COX10: variants seen among roughly 807,000 people sequenced by gnomAD.
COX10 encodes the protein protoheme IX farnesyltransferase, mitochondrial.
In COX10, 27 loss-of-function variants were observed where a neutral mutation model predicts 37.3. That is an observed-to-expected ratio of 0.72 (90% CI 0.53 to 1.00). The LOEUF is 1.00. Ranked by LOEUF, COX10 falls within the 50% of genes least tolerant of loss-of-function variation. COX10 has a pLI of 0.00. For missense variants in COX10, 475 were observed against 563.2 expected (o/e 0.84, Z 1.59); for synonymous variants, 222 against 229.1 (o/e 0.97, Z 0.28).
At chr17:14,161,849 C>T (rs771968533) in intron 5 of COX10, among the ~76,000 whole-genome samples, 5 of 152,146 alleles carry the variant, frequency 3.3e-5, no homozygotes, top group Non-Finnish European at 7.4e-5. Flanking sequence ...TGCAGATGGC[C>T]TGTCGTGGGA....
At chr17:14,150,155 C>T (rs756454411) in intron 4 of COX10, among the ~76,000 whole-genome samples, 7 of 151,966 alleles carry the variant, frequency 4.6e-5, no homozygotes, top group Non-Finnish European at 8.8e-5. Context: ...CACCTGTGGT[C>T]CCAGCTACTT....
chr17:14,140,620 T>C (rs530128055), intron 4 of COX10, among the ~76,000 whole-genome samples: 2 of 152,266 alleles, frequency 1.3e-5, no homozygotes, highest in African/African-American at 2.4e-5. Context: ...TAAATGATAT[T>C]GAAACACTAT....
intron 5 of COX10, among the ~76,000 whole-genome samples, chr17:14,170,516 A>T (rs1905429991): frequency 6.6e-6 from 1 of 152,218 alleles, no homozygotes; most frequent in Non-Finnish European, 1.5e-5. Flanking sequence ...GTGAAGAAGA[A>T]TCTTAATTGC....
chr17:14,177,364 T>G, intron 5 of COX10: 2 of 525,458 alleles, frequency 3.8e-6, no homozygotes, highest in Non-Finnish European at 6.7e-6. Context: ...CACTTATAGT[T>G]TAAAAAAAAT....
intron 3 of COX10, among the ~76,000 whole-genome samples, chr17:14,099,228 G>A (rs73979159): frequency 2.0e-5 from 3 of 152,180 alleles, no homozygotes; most frequent in African/African-American, 7.2e-5. Context: ...GAACAACTGA[G>A]TTAAAGGAAG....
intron 1 of COX10, 58 bp downstream of exon 1, chr17:14,069,706 C>T (rs191500620): frequency 6.2e-7 from 1 of 1,607,414 alleles, no homozygotes; most frequent in Non-Finnish European, 8.5e-7. Context: ...TTACCACGTG[C>T]GAGGCCGTGG....
chr17:14,202,456 A>T (rs1363232474), intron 6 of COX10, among the ~76,000 whole-genome samples: 1 of 151,982 alleles, frequency 6.6e-6, no homozygotes, highest in East Asian at 1.9e-4. Context: ...GAAGGTGCTA[A>T]TATCTTGTGC....
intron 5 of COX10, among the ~76,000 whole-genome samples, chr17:14,173,534 G>T (rs1456661383): frequency 6.6e-6 from 1 of 152,236 alleles, no homozygotes; most frequent in Non-Finnish European, 1.5e-5. Context: ...AAATACATGT[G>T]TAAGGATAAA....
intron 4 of COX10, among the ~76,000 whole-genome samples, chr17:14,140,127 A>T (rs908735685): frequency 3.3e-5 from 5 of 152,272 alleles, no homozygotes; most frequent in African/African-American, 9.6e-5. Context: ...GTAACATTCA[A>T]TTTTAAAAAA....
chr17:14,158,587 G>T (rs1287018420), intron 4 of COX10, among the ~76,000 whole-genome samples: 1 of 152,018 alleles, frequency 6.6e-6, no homozygotes, highest in African/African-American at 2.4e-5. Context: ...AATGATCCCT[G>T]CCACTCAAAT....
At chr17:14,091,573 T>C (rs1915527914) in intron 3 of COX10, among the ~76,000 whole-genome samples, 1 of 152,178 alleles carries the variant, frequency 6.6e-6, no homozygotes, top group Non-Finnish European at 1.5e-5. Flanking sequence ...TGTATGCAGT[T>C]AGGTCCAGAT....
At position 14,207,262 on chromosome 17, in the gene COX10, T is replaced by C. The variant is rs1030813575; in HGVS notation, c.*49T>C. On this transcript the variant is annotated 3_prime_UTR_variant, in exon 7 of 7. Transcript: ENST00000261643. ...CTTTCCCTCCGCTGCCAGGCGAGCA[T>C]GTTGTGGTAATTCTGGAACACAAGA... 2.7e-6 allele frequency: 4 copies of C among 1,499,644 alleles called. No homozygotes were observed. The highest frequency in any genetic ancestry group is 1.8e-6 in the Non-Finnish European group (2 of 1,128,464). The allele number at this position is 1,499,644 out of a possible 1,614,324, so 92.9% of individuals were successfully genotyped here.
rs143097234 is a variant in COX10, at chr17:14,206,931, G to A, written c.1050G>A (p.Pro350=). The change falls in exon 7 of 7, where the codon CCG becomes CCA. Residue 350 remains proline, a synonymous_variant. Coordinates refer to ENST00000261643, the MANE Select transcript of COX10 (RefSeq NM_001303.4). ...GGYCMMSVTH[P]GLCRRVALRH... ...ACTGCATGATGTCGGTCACCCACCC[G>A]GGCCTGTGCCGGCGCGTGGCGCTGC... is the stretch of plus-strand genomic sequence containing the variant. The A allele has an allele frequency of 2.4e-5, 38 of 1,613,588 alleles. No individual in the cohort carries two copies. The highest frequency in any genetic ancestry group is 4.5e-5 in the East Asian group (2 of 44,854).
chr17:14,072,856 G>C (rs1288306973), intron 1 of COX10, among the ~76,000 whole-genome samples: 2 of 152,178 alleles, frequency 1.3e-5, no homozygotes, highest in Non-Finnish European at 2.9e-5. Context: ...TGCTCTGCTA[G>C]CTGTTGTACA....
chr17:14,184,285 T>A (rs1413469358), intron 5 of COX10, among the ~76,000 whole-genome samples: 2 of 152,140 alleles, frequency 1.3e-5, no homozygotes, highest in Non-Finnish European at 2.9e-5. Context: ...TTAAATAAGT[T>A]ACCCACTTTT....
At chr17:14,094,979 G>C (rs1597498289) in intron 3 of COX10, among the ~76,000 whole-genome samples, 1 of 152,226 alleles carries the variant, frequency 6.6e-6, no homozygotes, top group South Asian at 2.1e-4. Context: ...AGTGGGATTT[G>C]CATAATTGAA....
intron 4 of COX10, among the ~76,000 whole-genome samples, chr17:14,155,805 G>C (rs565557678): frequency 6.6e-5 from 10 of 152,222 alleles, no homozygotes; most frequent in African/African-American, 1.4e-4. Context: ...CATTGTGTTG[G>C]GGGGAAAGGG....
In COX10 at chr17:14,069,540, G is replaced by T. The variant is rs372604577; in HGVS notation, c.-66G>T. ...AGGGGGGCGGGGAAGGAAGATGGCG[G>T]CGCCCAGCGTCCCGTGAGGAGAGAG... is the stretch of plus-strand genomic sequence containing the variant. On this transcript the variant is annotated 5_prime_UTR_variant, in exon 1 of 7. Coordinates refer to ENST00000261643, the MANE Select transcript of COX10 (RefSeq NM_001303.4). The T allele has an allele frequency of 1.2e-4, 186 of 1,593,254 alleles. 1 individual carries two copies. The highest frequency in any genetic ancestry group is 3.6e-4 in the Middle Eastern group (2 of 5,480).
intron 5 of COX10, among the ~76,000 whole-genome samples, chr17:14,187,824 G>C (rs111435848): frequency 1.3e-5 from 2 of 152,180 alleles, no homozygotes; most frequent in African/African-American, 4.8e-5. Flanking sequence ...AGTGATCATG[G>C]CATCCTGGGT....
Sources: allele counts gnomAD v4.1 joint callset (sites outside exome capture counted in the v4.1 genomes callset), GRCh38; gene constraint gnomAD v4.1.1; transcripts MANE v1.5; gene names NCBI Gene and HGNC (gene_info 2026-07-23, HGNC 2026-07-21).